RSF1: variants seen among roughly 807,000 people sequenced by gnomAD.
The protein encoded by RSF1 is HBV pX-associated protein 8.
Under a neutral mutation model 145.2 loss-of-function variants are expected in RSF1, and 13 were observed. That is an observed-to-expected ratio of 0.09 (90% CI 0.06 to 0.14). The LOEUF (loss-of-function observed/expected upper bound fraction) is 0.14. Among genes scored for constraint, RSF1 ranks in the 10% least tolerant of loss-of-function variants. RSF1 has a pLI of 1.00. For synonymous variants in RSF1, 577 were observed against 592.6 expected (o/e 0.97, Z 0.38); for missense variants, 1,517 against 1,718.2 (o/e 0.88, Z 2.07).
At chr11:77,820,453 G>A (rs1948855193) in intron 1 of RSF1, 75 bp downstream of exon 1, 10 of 1,441,804 alleles carry the variant, frequency 6.9e-6, no homozygotes, top group Non-Finnish European at 9.3e-6. Flanking sequence ...GCGAAGAACC[G>A]GGGCGCCTGT....
At chr11:77,742,480 A>G (rs779043715) in intron 3 of RSF1, among the ~76,000 whole-genome samples, 2 of 152,090 alleles carry the variant, frequency 1.3e-5, no homozygotes, top group Non-Finnish European at 2.9e-5. Context: ...GGGTTTCATC[A>G]TGTTGGTCAG....
chr11:77,777,934 C>G, intron 1 of RSF1, among the ~76,000 whole-genome samples: 1 of 149,654 alleles, frequency 6.7e-6, no homozygotes, highest in East Asian at 2.0e-4. Context: ...ATCTCAATAC[C>G]TAGTTCTTAT....
chr11:77,722,428 T>C (rs1213545958), intron 5 of RSF1, among the ~76,000 whole-genome samples: 1 of 152,134 alleles, frequency 6.6e-6, no homozygotes, highest in Non-Finnish European at 1.5e-5. Context: ...CAGCATTACA[T>C]AGGTCCTTGT....
chr11:77,674,062 T>C (rs1040437391), intron 14 of RSF1, among the ~76,000 whole-genome samples: 1 of 152,224 alleles, frequency 6.6e-6, no homozygotes, highest in Admixed American at 6.5e-5. Flanking sequence ...GGTAATAGCA[T>C]TATATCAATG....
chr11:77,870,054 A>AG, the RSF1 span: 2 of 332,540 alleles, frequency 6.0e-6, no homozygotes, highest in Non-Finnish European at 1.1e-5. Flanking sequence ...AAGTTCTACA[A>AG]GGATCACTAT....
intron 2 of RSF1, among the ~76,000 whole-genome samples, chr11:77,752,548 T>C (rs543372980): frequency 2.5e-4 from 38 of 152,268 alleles, no homozygotes; most frequent in African/African-American, 7.9e-4. Context: ...GCAATCCATT[T>C]TTCTGGGACC....
intron 1 of RSF1, chr11:77,813,598 G>A (rs188312822): frequency 3.5e-5 from 23 of 652,698 alleles, no homozygotes; most frequent in African/African-American, 2.0e-4. Flanking sequence ...TTTATGTTGC[G>A]GCTCGTTAGA....
At chr11:77,772,686 T>C (rs1415391125) in intron 1 of RSF1, among the ~76,000 whole-genome samples, 1 of 152,084 alleles carries the variant, frequency 6.6e-6, no homozygotes, top group East Asian at 1.9e-4. Flanking sequence ...TAATATTCAA[T>C]GTCTATGTCT....
chr11:77,855,818 A>G, the RSF1 span, among the ~76,000 whole-genome samples: 1 of 145,132 alleles, frequency 6.9e-6, no homozygotes, highest in Non-Finnish European at 1.5e-5. Context: ...TTCTTCCACC[A>G]GCCAAGTGCA....
intron 1 of RSF1, among the ~76,000 whole-genome samples, chr11:77,782,821 A>C (rs1948417689): frequency 6.6e-6 from 1 of 152,224 alleles, no homozygotes; most frequent in African/African-American, 2.4e-5. Context: ...GACACTATTG[A>C]TGATCACAAA....
Position 77,693,519 on chromosome 11 carries a change from T to C in RSF1, c.2808A>G (p.Pro936=). The C allele has an allele frequency of 6.2e-7, 1 of 1,612,368 alleles. No individual in the cohort carries two copies. The highest frequency in any genetic ancestry group is 8.5e-7 in the Non-Finnish European group (1 of 1,178,588). The change falls in exon 8 of 16, where the codon CCA becomes CCG. Residue 936 remains proline, a synonymous_variant. Transcript: ENST00000308488. ...GGCGGGGTCTTACATGTTGGCAAGG[T>C]GGGCAGAACCATTCTCCATCTGGGA... ...MIIPDGEWFC[P]PCQHKLLCEK...
intron 4 of RSF1, among the ~76,000 whole-genome samples, chr11:77,737,245 C>T (rs543478094): frequency 7.9e-5 from 12 of 151,888 alleles, no homozygotes; most frequent in Non-Finnish European, 1.3e-4. Context: ...CTCGGGAGTT[C>T]GATACCAGCA....
rs1960235430 is a variant in RSF1, at chr11:77,694,473, T to C, written c.2716-862A>G. Among the ~76,000 whole-genome samples the C allele has an allele frequency of 3.3e-5, 5 of 152,362 alleles. No individual in the cohort carries two copies. In the South Asian group the frequency reaches 1.0e-3, roughly 32 times the overall value. On this transcript the variant is annotated intron_variant, in intron 7 of 15. Transcript: ENST00000308488. ...GTCTTATAGTTGTTTTATCGGTATT[T>C]GAGTTTAAGAGGACCAAGGTCTAAA...
chr11:77,798,537 T>C (rs996685427), intron 1 of RSF1, among the ~76,000 whole-genome samples: 9 of 119,818 alleles, frequency 7.5e-5, no homozygotes, highest in Non-Finnish European at 1.4e-4. Flanking sequence ...GCCGAGATCA[T>C]GCCACTGCAC....
intron 15 of RSF1, among the ~76,000 whole-genome samples, chr11:77,670,942 A>T (rs2135809839): frequency 6.6e-6 from 1 of 150,492 alleles, no homozygotes; most frequent in East Asian, 2.0e-4. Flanking sequence ...CCCCATCTCT[A>T]CTAAAAATAC....
At chr11:77,721,765 T>A (rs995767974) in intron 5 of RSF1, among the ~76,000 whole-genome samples, 2 of 152,206 alleles carry the variant, frequency 1.3e-5, no homozygotes, top group African/African-American at 2.4e-5. Flanking sequence ...TTTATTAAAC[T>A]ATATGCCTAA....
chr11:77,782,496 G>A (rs192813618), intron 1 of RSF1, among the ~76,000 whole-genome samples: 8 of 151,840 alleles, frequency 5.3e-5, no homozygotes, highest in Non-Finnish European at 8.8e-5. Flanking sequence ...AGCAGAGATC[G>A]TGCCACTGAA....
chr11:77,707,992 A>G (rs548683975), intron 5 of RSF1, among the ~76,000 whole-genome samples: 3 of 152,328 alleles, frequency 2.0e-5, no homozygotes, highest in South Asian at 4.1e-4. Flanking sequence ...GATAACAACT[A>G]ATTTTTATTT....
chr11:77,794,846 C>T (rs2135970434), intron 1 of RSF1, among the ~76,000 whole-genome samples: 1 of 152,230 alleles, frequency 6.6e-6, no homozygotes, highest in East Asian at 1.9e-4. Context: ...TACTGGAAGT[C>T]CTAGCTAAAG....
Sources: allele counts gnomAD v4.1 joint callset (sites outside exome capture counted in the v4.1 genomes callset), GRCh38; gene constraint gnomAD v4.1.1; transcripts MANE v1.5; gene names NCBI Gene and HGNC (gene_info 2026-07-23, HGNC 2026-07-21).